Variants in LIPA observed in about 807,000 individuals in gnomAD.
LIPA encodes the protein lipase A, lysosomal acid type.
Under a neutral mutation model 40.6 loss-of-function variants are expected in LIPA, and 26 were observed. The observed-to-expected ratio is 0.64, with a 90% CI of 0.47 to 0.89. The LOEUF is 0.89. LIPA is among the 40% of genes least tolerant of loss of function. The probability of loss-of-function intolerance (pLI) is 0.00; values close to 1 mark genes in which losing one functional copy is unlikely to be tolerated. For missense variants in LIPA, 455 were observed against 479.6 expected (o/e 0.95, Z 0.48); for synonymous variants, 188 against 168.4 (o/e 1.12, Z -0.90).
chr10:89,397,765 A>C (rs1844365925), intron 2 of LIPA, among the ~76,000 whole-genome samples: 1 of 152,190 alleles, frequency 6.6e-6, no homozygotes, highest in South Asian at 2.1e-4. Context: ...CTGTTGAACT[A>C]TACCAATTTA....
At chr10:89,280,429 C>T (rs139432162) in intron 1 of LIPA, among the ~76,000 whole-genome samples, 1 of 152,192 alleles carries the variant, frequency 6.6e-6, no homozygotes, top group Admixed American at 6.5e-5. Flanking sequence ...ATTCTCCCTT[C>T]GCCTCCCACT....
intron 1 of LIPA, among the ~76,000 whole-genome samples, chr10:89,286,052 C>G (rs374966899): frequency 3.3e-5 from 5 of 152,236 alleles, no homozygotes; most frequent in African/African-American, 1.2e-4. Context: ...ACAAACTCGA[C>G]AGTGGTTCCA....
intron 2 of LIPA, among the ~76,000 whole-genome samples, chr10:89,361,136 A>C (rs895652188): frequency 2.0e-5 from 3 of 152,162 alleles, no homozygotes; most frequent in Admixed American, 6.6e-5. Flanking sequence ...AGGTACTGGG[A>C]GCTAGGACTT....
At chr10:89,334,420 T>C (rs975697625) in intron 1 of LIPA, among the ~76,000 whole-genome samples, 1 of 150,826 alleles carries the variant, frequency 6.6e-6, no homozygotes, top group African/African-American at 2.4e-5. Context: ...ACTGGCATTC[T>C]ACTCCCCAAG....
chr10:89,276,505 C>G lies in LIPA; in HGVS notation c.-1-28856G>C, dbSNP rs551774024. On this transcript the variant is annotated intron_variant, in intron 1 of 5. Coordinates refer to the LIPA transcript ENST00000282673. Reference sequence around the variant, plus strand: ...ACACCAAGTAATGGCATTGCCCTATCTTGAGATATCTTTATGGATTAGAGG... The same window carrying G: ...ACACCAAGTAATGGCATTGCCCTATGTTGAGATATCTTTATGGATTAGAGG... 2.2e-4 allele frequency among the ~76,000 whole-genome samples: 33 copies of G among 152,300 alleles called. 1 individual carries two copies. The South Asian group carries it at 6.6e-3, about 31-fold the overall frequency.
At chr10:89,253,724 T>A (rs912115036), upstream of LIPA, among the ~76,000 whole-genome samples, 8 of 152,212 alleles carry the variant, frequency 5.3e-5, no homozygotes, top group African/African-American at 1.9e-4. Flanking sequence ...GCAAGTCCCT[T>A]CCACCTATTA....
chr10:89,334,249 A>G (rs1040308482), intron 1 of LIPA, among the ~76,000 whole-genome samples: 4 of 152,092 alleles, frequency 2.6e-5, no homozygotes, highest in African/African-American at 9.7e-5. Context: ...GACTGTAACT[A>G]TGTTGATTCT....
intron 1 of LIPA, among the ~76,000 whole-genome samples, chr10:89,273,196 T>G (rs1189382419): frequency 6.6e-6 from 1 of 151,500 alleles, no homozygotes; most frequent in Non-Finnish European, 1.5e-5. Context: ...TTTCTCTTTG[T>G]TTTTTGTAAA....
chr10:89,240,785 G>A lies in LIPA; in HGVS notation c.229+4891C>T, dbSNP rs145374746. On this transcript the variant is annotated intron_variant, in intron 3 of 9. Coordinates refer to ENST00000336233, the MANE Select transcript of LIPA (RefSeq NM_000235.4). ...AAGTTGTGTTCGTGGACTCCTAGGAGCCCAGGAGTAGGAAATCCTTCATGC... is the reference window on the plus strand; with the variant it reads ...AAGTTGTGTTCGTGGACTCCTAGGAACCCAGGAGTAGGAAATCCTTCATGC... Among the ~76,000 whole-genome samples the A allele has an allele frequency of 4.3e-3, 658 of 152,242 alleles. 1 individual carries two copies. Among genetic ancestry groups the A allele is most frequent in the African/African-American group, 6.5e-3 (268 of 41,540 alleles).
chr10:89,407,516 G>C (rs1224224097), intron 2 of LIPA, among the ~76,000 whole-genome samples: 2 of 152,162 alleles, frequency 1.3e-5, no homozygotes, highest in Non-Finnish European at 2.9e-5. Flanking sequence ...CCTCAGACAA[G>C]CAGGCCTAAC....
rs560557527 is a variant in LIPA at position 89,330,459 on chromosome 10, A to G, written c.-2+12152T>C. Among the ~76,000 whole-genome samples the G allele has an allele frequency of 3.3e-5, 5 of 152,270 alleles. No individual in the cohort carries two copies. In the South Asian group the frequency reaches 1.0e-3, roughly 32 times the overall value. Reference sequence around the variant, plus strand: ...GCTTTCAACTATGCTCACTTTAGAGAGGGGGCCAGGGATGGGCTTCCTATC... The same window carrying G: ...GCTTTCAACTATGCTCACTTTAGAGGGGGGGCCAGGGATGGGCTTCCTATC... On this transcript the variant is annotated intron_variant, in intron 1 of 5. Transcript: ENST00000282673.
intron 2 of LIPA, among the ~76,000 whole-genome samples, chr10:89,364,802 C>T (rs1844046341): frequency 6.6e-6 from 1 of 152,040 alleles, no homozygotes; most frequent in Non-Finnish European, 1.5e-5. Flanking sequence ...ATACTCTTTG[C>T]TCTTTCTCTG....
In LIPA at chr10:89,267,217, C is replaced by T. The variant is rs184986639; in HGVS notation, c.-1-19568G>A. 2.0e-5 allele frequency among the ~76,000 whole-genome samples: 3 copies of T among 152,268 alleles called. No individual in the cohort carries two copies. The East Asian group carries it at 5.8e-4, about 29-fold the overall frequency. ...GAATGATTCAAAGACAGCTGATTTG[C>T]AAACAGACTATTTAACAGTTGTTGG... is the stretch of plus-strand genomic sequence containing the variant. On this transcript the variant is annotated intron_variant, in intron 1 of 5. Transcript: ENST00000282673.
intron 1 of LIPA, among the ~76,000 whole-genome samples, chr10:89,320,792 C>G (rs1395714403): frequency 2.1e-3 from 322 of 152,030 alleles, no homozygotes; most frequent in Non-Finnish European, 3.3e-3. Flanking sequence ...AAAGCTGGAG[C>G]CATCACACTA....
Position 89,228,192 on chromosome 10 carries a change from A to C in LIPA, c.428+8T>G, listed in dbSNP as rs554238064. ...AATACATCCATGCCATTATCAATTC[A>C]TATATACCTGAAAGCCCAGAATTCA... On this transcript the variant is annotated splice_region_variant and intron_variant, in intron 4 of 9. Coordinates refer to ENST00000336233, the MANE Select transcript of LIPA (RefSeq NM_000235.4). The C allele has an allele frequency of 1.2e-5, 20 of 1,610,418 alleles. 1 individual carries two copies. The South Asian group carries it at 2.1e-4, about 17-fold the overall frequency.
intron 1 of LIPA, chr10:89,335,599 C>T (rs7904924): frequency 0.062 from 9,330 of 151,604 alleles, 693 homozygotes; most frequent in African/African-American, 0.18. Context: ...AGGTGGTTTC[C>T]GGTTTCGTTG....
intron 2 of LIPA, among the ~76,000 whole-genome samples, chr10:89,395,258 T>C (rs776471204): frequency 8.3e-6 from 1 of 120,510 alleles, no homozygotes; most frequent in Non-Finnish European, 1.6e-5. Flanking sequence ...CTTGGCAAAA[T>C]TGCACCTGCT....
chr10:89,302,114 C>G, intron 1 of LIPA: 1 of 1,613,936 alleles, frequency 6.2e-7, no homozygotes. Flanking sequence ...CTGAGAATTG[C>G]ACTGCAACCA....
chr10:89,353,223 C>T (rs1289787316), intron 2 of LIPA, among the ~76,000 whole-genome samples: 1 of 152,170 alleles, frequency 6.6e-6, no homozygotes, highest in African/African-American at 2.4e-5. Flanking sequence ...TGGTAATCAG[C>T]ACCTTCCAAG....
Sources: gnomAD v4.1 joint callset for allele counts (sites outside exome capture counted in the v4.1 genomes callset) on GRCh38, gnomAD v4.1.1 for gene constraint, MANE v1.5 for transcripts, NCBI Gene and HGNC (gene_info 2026-07-23, HGNC 2026-07-21) for gene names.